The following PRDM10 variants were observed in gnomAD, a reference collection of about 807,000 sequenced individuals.
PRDM10 encodes PR/SET domain 10.
A neutral mutation model predicts 133.1 loss-of-function variants in PRDM10; 65 were observed. That is an observed-to-expected ratio of 0.49 (90% CI 0.40 to 0.60). The LOEUF is 0.60. Ranked by LOEUF, PRDM10 falls within the 20% of genes least tolerant of loss-of-function variation. PRDM10 has a pLI of 0.00. For missense variants in PRDM10, 1,137 were observed against 1,507.1 expected (o/e 0.75, Z 4.07); for synonymous variants, 582 against 580.4 (o/e 1.00, Z -0.04).
At chr11:129,912,335 T>C (rs1373982761) in intron 17 of PRDM10, 110 bp from the exon 18 acceptor site, 1 of 1,217,356 alleles carries the variant, frequency 8.2e-7, no homozygotes, top group Non-Finnish European at 1.1e-6. Flanking sequence ...CCGGGTGCAG[T>C]GGCTCATGCC....
At chr11:129,958,509 T>C (rs893865789) in intron 2 of PRDM10, among the ~76,000 whole-genome samples, 8 of 151,796 alleles carry the variant, frequency 5.3e-5, no homozygotes, top group Non-Finnish European at 8.8e-5. Flanking sequence ...CTGGGCATGG[T>C]GGGGGGCGCC....
At chr11:129,927,176 C>CAAAAAAAAAAAA (rs57015735) in intron 11 of PRDM10, among the ~76,000 whole-genome samples, 1 of 79,370 alleles carries the variant, frequency 1.3e-5, no homozygotes, top group African/African-American at 4.3e-5. Context: ...GACTCTGTCT[C>CAAAAAAAAAAAA]AAAAAAAAAA....
intron 15 of PRDM10, 28 bp downstream of exon 15, chr11:129,917,099 C>T (rs1950382142): frequency 6.5e-7 from 1 of 1,529,872 alleles, no homozygotes; most frequent in African/African-American, 1.4e-5. Context: ...ACCCCAGTGG[C>T]ATACCAATAT....
At position 129,967,043 on chromosome 11, in the gene PRDM10, C is replaced by T. The variant is rs1233058293; in HGVS notation, c.-118-5961G>A. ...GATATGATAAAAATCAATGTCTAAA[C>T]GAATCTAGAAGAGCTCTTTCAATAA... On this transcript the variant is annotated intron_variant, in intron 1 of 20. Coordinates refer to ENST00000360871, the MANE Select transcript of PRDM10 (RefSeq NM_199437.2). Among the ~76,000 whole-genome samples, 7 of 152,074 alleles carry T rather than the reference C, an allele frequency of 4.6e-5. No homozygotes were observed. The East Asian group carries it at 5.8e-4, about 13-fold the overall frequency.
chr11:129,954,543 G>A (rs913401684), intron 4 of PRDM10, among the ~76,000 whole-genome samples: 7 of 152,116 alleles, frequency 4.6e-5, no homozygotes, highest in South Asian at 4.1e-4. Context: ...GGGATTACAC[G>A]TGTGAGCCAT....
intron 13 of PRDM10, among the ~76,000 whole-genome samples, chr11:129,921,771 C>T (rs948321926): frequency 3.3e-5 from 5 of 152,174 alleles, no homozygotes; most frequent in Admixed American, 6.5e-5. Flanking sequence ...GAAGCAGCTC[C>T]GTGCTGCTCT....
intron 20 of PRDM10, among the ~76,000 whole-genome samples, chr11:129,903,005 T>C (rs1040993214): frequency 1.3e-5 from 2 of 151,868 alleles, no homozygotes; most frequent in Admixed American, 1.3e-4. Context: ...AAAAAAATAA[T>C]AAATGGAGGC....
In PRDM10 at chr11:129,918,867, G is replaced by T; in HGVS notation, c.2035-149C>A. 1 of 780,724 alleles carries T rather than the reference G, an allele frequency of 1.3e-6. No homozygotes were observed. The highest frequency in any genetic ancestry group is 2.1e-6 in the Non-Finnish European group (1 of 486,590). The allele number at this position is 780,724 out of a possible 1,614,324, so 48.4% of individuals were successfully genotyped here. ...TGCTGGAACACTAGGACGCAGACATGTTAAAAGTGGCTGGGAGTTACTCTG... is the reference window on the plus strand; with the variant it reads ...TGCTGGAACACTAGGACGCAGACATTTTAAAAGTGGCTGGGAGTTACTCTG... On this transcript the variant is annotated intron_variant, in intron 13 of 20. Transcript: ENST00000360871. The surrounding 1 kb of genome is among the most constrained non-coding windows in gnomAD (Gnocchi z 5.3).
intron 4 of PRDM10, among the ~76,000 whole-genome samples, chr11:129,948,545 C>T (rs1352775276): frequency 6.6e-6 from 1 of 152,174 alleles, no homozygotes; most frequent in African/African-American, 2.4e-5. Flanking sequence ...TCTGCTTCCA[C>T]ATTTCATGAC....
At position 129,925,097 on chromosome 11, in the gene PRDM10, G is replaced by C. The variant is rs1460820686; in HGVS notation, c.1663C>G (p.Pro555Ala). The C allele has an allele frequency of 6.2e-7, 1 of 1,614,214 alleles. No homozygotes were observed. The highest frequency in any genetic ancestry group is 8.5e-7 in the Non-Finnish European group (1 of 1,180,046). ...LRFHGREGNC[P>A]LTCDLCNKGF... is the part of the protein sequence containing the mutation. ...TTGTTACAGAGATCACAGGTCAGTG[G>C]GCAGTTCCCCTCCCGCCCATGGAAG... The change falls in exon 12 of 21, where the codon CCA (proline) becomes GCA (alanine). Residue 555 changes from proline (P) to alanine (A), a missense_variant. Transcript: ENST00000360871.
rs57429782 is a variant in PRDM10, at chr11:129,923,643, TGAGA to T, written c.1879-244_1879-241del. ...CGAACCTCCCCGATGACTTGAAACG[TGAGA>T]GAGAGAGAGAGAGAGAGAGAGAGAG... On this transcript the variant is annotated intron_variant, in intron 12 of 20. Transcript: ENST00000360871. The surrounding 1 kb of genome is among the most constrained non-coding windows in gnomAD (Gnocchi z 4.4). 0.018 allele frequency among the ~76,000 whole-genome samples: 1,156 copies of T among 65,800 alleles called. 8 individuals carry two copies. The highest frequency in any genetic ancestry group is 0.027 in the Middle Eastern group (2 of 74). The allele number at this position is 65,800 out of a possible 152,430, so 43.2% of individuals were successfully genotyped here.
In PRDM10 at chr11:129,957,800, T is replaced by C; in HGVS notation, c.180A>G (p.Ser60=). ...CCAGCGTGTGCTCTGGACCATCCAC[T>C]GATGTGTAGGAGGCACCATCTGCCG... ...VYTADGASYT[S]VDGPEHTLVY... The change falls in exon 3 of 21, where the codon TCA becomes TCG. Residue 60 remains serine, a synonymous_variant. Coordinates refer to ENST00000360871, the MANE Select transcript of PRDM10 (RefSeq NM_199437.2). 6.2e-7 allele frequency: 1 copy of C among 1,614,242 alleles called. No individual in the cohort carries two copies. The highest frequency in any genetic ancestry group is 8.5e-7 in the Non-Finnish European group (1 of 1,180,032).
At chr11:129,962,464 CCCA>C (rs1279646998) in intron 1 of PRDM10, among the ~76,000 whole-genome samples, 1 of 152,194 alleles carries the variant, frequency 6.6e-6, no homozygotes, top group Non-Finnish European at 1.5e-5. Context: ...TGCAGCACCC[CCCA>C]CCACACTTAT....
chr11:129,971,489 A>C (rs184250112), intron 1 of PRDM10, among the ~76,000 whole-genome samples: 1 of 152,308 alleles, frequency 6.6e-6, no homozygotes, highest in Non-Finnish European at 1.5e-5. Context: ...CAGAGTGTCC[A>C]TTGGTGCACT....
chr11:129,995,968 A>G (rs1414619764), intron 1 of PRDM10, among the ~76,000 whole-genome samples: 1 of 152,018 alleles, frequency 6.6e-6, no homozygotes, highest in Non-Finnish European at 1.5e-5. Context: ...AAAGAAAAGA[A>G]AAAGAAAAAA....
At chr11:129,941,968 C>T (rs540972815) in intron 7 of PRDM10, among the ~76,000 whole-genome samples, 4 of 152,310 alleles carry the variant, frequency 2.6e-5, no homozygotes, top group Admixed American at 2.6e-4. Flanking sequence ...CATGCTTTCA[C>T]GTTGGCTCTG....
intron 1 of PRDM10, among the ~76,000 whole-genome samples, chr11:129,981,074 T>C (rs1025289374): frequency 2.6e-5 from 4 of 152,076 alleles, no homozygotes; most frequent in Non-Finnish European, 5.9e-5. Context: ...TTTCACCATA[T>C]TGGTCAGGCT....
chr11:129,918,708 T>A lies in PRDM10; in HGVS notation c.2045A>T (p.Lys682Ile). 1.2e-6 allele frequency: 2 copies of A among 1,609,546 alleles called. No homozygotes were observed. Among genetic ancestry groups the A allele is most frequent in the Non-Finnish European group, 1.7e-6 (2 of 1,177,714 alleles). Residue 682 changes from lysine (K) to isoleucine (I), a missense_variant, in exon 14 of 21, where the codon AAA becomes ATA. This residue lies in a region of PRDM10 where 78 missense variants were observed against 96.4 expected (regional missense o/e 0.81). Transcript: ENST00000360871. The surrounding 1 kb of genome is among the most constrained non-coding windows in gnomAD (Gnocchi z 5.3). ...TCGKQFKRKD[K>I]LREHMQRMHN... ...CATCCTCTGCATGTGTTCCCGTAGT[T>A]TGTCTTTTCGCTATTTGGAGAGTAT...
chr11:129,915,527 G>A lies in PRDM10; in HGVS notation c.2526+133C>T, dbSNP rs1340917291. 51 of 1,015,170 alleles carry A rather than the reference G, an allele frequency of 5.0e-5. No individual in the cohort carries two copies. The Admixed American group carries it at 1.4e-3, about 27-fold the overall frequency. The allele number at this position is 1,015,170 out of a possible 1,614,324, so 62.9% of individuals were successfully genotyped here. A position where few individuals can be genotyped will look rare whatever the true frequency, so the allele number is the denominator to read the frequency against. The stretch of plus-strand genomic sequence containing the variant: ...CTGTGCTCTCTGTTTACAGTGACTA[G>A]GACAACATCTCTTTCAGTCCCCCGT... On this transcript the variant is annotated intron_variant, in intron 16 of 20. Transcript: ENST00000360871.
Sources: allele counts gnomAD v4.1 joint callset (sites outside exome capture counted in the v4.1 genomes callset), GRCh38; gene constraint gnomAD v4.1.1; regional missense constraint gnomAD v4.1.1; non-coding constraint Gnocchi (gnomAD v3.1); transcripts MANE v1.5; gene names NCBI Gene and HGNC (gene_info 2026-07-23, HGNC 2026-07-21).